The following PRMT8 variants were observed in gnomAD, a reference collection of about 807,000 sequenced individuals.
PRMT8 encodes protein arginine methyltransferase 8, also known as protein arginine N-methyltransferase 8.
Under a neutral mutation model 47.1 loss-of-function variants are expected in PRMT8, and 7 were observed. The observed-to-expected ratio is 0.15, with a 90% CI of 0.08 to 0.28. The LOEUF is 0.28. Ranked by LOEUF, PRMT8 falls within the 10% of genes least tolerant of loss-of-function variation. The pLI is 1.00. For missense variants in PRMT8, 237 were observed against 505.4 expected (o/e 0.47, Z 5.09); for synonymous variants, 188 against 186.5 (o/e 1.01, Z -0.07).
chr12:3,507,400 C>A (rs370764272), intron 1 of PRMT8, among the ~76,000 whole-genome samples: 1 of 152,166 alleles, frequency 6.6e-6, no homozygotes, highest in South Asian at 2.1e-4. Flanking sequence ...GGATTACAGG[C>A]GTGAACCACC....
At chr12:3,528,653 A>AT (rs137952745) in intron 1 of PRMT8, among the ~76,000 whole-genome samples, 2 of 151,572 alleles carry the variant, frequency 1.3e-5, no homozygotes, top group African/African-American at 2.4e-5. Flanking sequence ...TGTATGATTG[A>AT]TTTTTTTTCT....
At chr12:3,483,438 T>C (rs1439642047) in intron 1 of PRMT8, among the ~76,000 whole-genome samples, 1 of 137,272 alleles carries the variant, frequency 7.3e-6, no homozygotes, top group Non-Finnish European at 1.5e-5. Flanking sequence ...AAAATGTCAC[T>C]TAACCATGAT....
At chr12:3,459,231 CTT>C (rs1269505951) in intron 1 of PRMT8, among the ~76,000 whole-genome samples, 1 of 152,216 alleles carries the variant, frequency 6.6e-6, no homozygotes, top group Non-Finnish European at 1.5e-5. Context: ...CAGCTCCAGA[CTT>C]GAGCTTGCCA....
chr12:3,444,634 C>T (rs541904362), intron 1 of PRMT8, among the ~76,000 whole-genome samples: 2 of 152,308 alleles, frequency 1.3e-5, no homozygotes, highest in African/African-American at 4.8e-5. Flanking sequence ...GCATCCAGGT[C>T]ATGCCAGTTA....
At position 3,553,060 on chromosome 12, in the gene PRMT8, C is replaced by A. The variant is rs573150308; in HGVS notation, c.418-591C>A. The A allele has an allele frequency of 2.6e-3, 547 of 214,002 alleles. 4 individuals carry two copies. The highest frequency in any genetic ancestry group is 0.012 in the African/African-American group (509 of 43,300). The allele number at this position is 214,002 out of a possible 1,614,324, so 13.3% of individuals were successfully genotyped here. ...TACCTTGGCCCTTTGCTTAGGAGGT[C>A]TGGAGAGCCTGGAAAGACGTCTGAA... On this transcript the variant is annotated intron_variant, in intron 3 of 9. Coordinates refer to ENST00000382622, the MANE Select transcript of PRMT8 (RefSeq NM_019854.5).
chr12:3,525,380 A>G (rs942768301), intron 1 of PRMT8, among the ~76,000 whole-genome samples: 2 of 152,184 alleles, frequency 1.3e-5, no homozygotes, highest in African/African-American at 4.8e-5. Context: ...CCTTGTGGGT[A>G]TGCAGAGGAT....
chr12:3,456,041 G>T lies in PRMT8; in HGVS notation c.48+74599G>T, dbSNP rs1051803429. ...CCTGCGTTCTCATCTGTAAAATGAG[G>T]ATAGTAAGTCACACCTCACAGGGAA... On this transcript the variant is annotated intron_variant, in intron 1 of 9. Coordinates refer to the PRMT8 transcript ENST00000452611. The surrounding 1 kb of genome is among the most constrained non-coding windows in gnomAD (Gnocchi z 4.2). 7.2e-5 allele frequency among the ~76,000 whole-genome samples: 11 copies of T among 152,316 alleles called. No homozygotes were observed. In the Middle Eastern group the frequency reaches 0.01, roughly 141 times the overall value.
intron 4 of PRMT8, among the ~76,000 whole-genome samples, chr12:3,567,801 T>C (rs541063079): frequency 1.3e-5 from 2 of 152,278 alleles, no homozygotes; most frequent in Admixed American, 6.5e-5. Context: ...TGGCTGGCTG[T>C]GGTGGCTCAT....
chr12:3,588,794 G>T (rs1018296503), intron 8 of PRMT8, among the ~76,000 whole-genome samples: 1 of 152,206 alleles, frequency 6.6e-6, no homozygotes, highest in Non-Finnish European at 1.5e-5. Flanking sequence ...AAAGGGGTAT[G>T]TGGGGCCAGA....
Position 3,540,615 on chromosome 12 carries a change from C to CCCCCCCAA in PRMT8, c.90_91insCAACCCCC (p.Ser31GlnfsTer38). On this transcript the variant is annotated frameshift_variant, in exon 2 of 10. Transcript: ENST00000382622. LOFTEE classifies it high-confidence loss of function. The stretch of plus-strand genomic sequence containing the variant: ...CTTCTCTTCCCCTCAGGTGAACAGC[C>CCCCCCCAA]CCCCCTCCCAGCCCCCCCAGCCCGT... 1 of 1,058,778 alleles carries CCCCCCCAA rather than the reference C, an allele frequency of 9.4e-7. No individual in the cohort carries two copies. The highest frequency in any genetic ancestry group is 1.5e-6 in the Non-Finnish European group (1 of 684,576). 65.6% of individuals were successfully genotyped at this position (1,058,778 alleles called of 1,614,324 possible). A position where few individuals can be genotyped will look rare whatever the true frequency, so the allele number is the denominator to read the frequency against.
At chr12:3,390,474 C>A (rs1437454327) in intron 1 of PRMT8, among the ~76,000 whole-genome samples, 2 of 152,176 alleles carry the variant, frequency 1.3e-5, no homozygotes, top group Non-Finnish European at 2.9e-5. Context: ...CTTTCCTTAA[C>A]AACTGTGACA....
At chr12:3,447,199 A>T (rs1318388736) in intron 1 of PRMT8, among the ~76,000 whole-genome samples, 2 of 152,188 alleles carry the variant, frequency 1.3e-5, no homozygotes, top group African/African-American at 4.8e-5. Flanking sequence ...TCAAGAGCAG[A>T]GTCTCATTTT....
At chr12:3,451,820 C>A (rs139882949) in intron 1 of PRMT8, among the ~76,000 whole-genome samples, 1 of 152,290 alleles carries the variant, frequency 6.6e-6, no homozygotes, top group Admixed American at 6.5e-5. Context: ...AGTGTCTTGA[C>A]GTTGCTAATT....
At position 3,451,428 on chromosome 12, in the gene PRMT8, C is replaced by T. The variant is rs578247813; in HGVS notation, c.48+69986C>T. Reference sequence around the variant, plus strand: ...TGCTGTTTGCAAGCACTCTGTAGAGCGTCTAACACACGTTCATGTGCAGAA... The same window carrying T: ...TGCTGTTTGCAAGCACTCTGTAGAGTGTCTAACACACGTTCATGTGCAGAA... On this transcript the variant is annotated intron_variant, in intron 1 of 9. Coordinates refer to the PRMT8 transcript ENST00000452611. Among the ~76,000 whole-genome samples, 29 of 152,284 alleles carry T rather than the reference C, an allele frequency of 1.9e-4. No homozygotes were observed. The South Asian group carries it at 5.2e-3, about 27-fold the overall frequency.
chr12:3,496,216 T>TATATATATATATATG (rs34970187), intron 1 of PRMT8, among the ~76,000 whole-genome samples: 3 of 20,012 alleles, frequency 1.5e-4, no homozygotes, highest in African/African-American at 5.0e-4. Flanking sequence ...ATATATATAT[T>TATATATATATATATG]TTTTTTTTTT....
chr12:3,491,277 C>T lies in PRMT8; in HGVS notation c.-349C>T, dbSNP rs981326252. On this transcript the variant is annotated 5_prime_UTR_variant, in exon 1 of 10. Coordinates refer to ENST00000382622, the MANE Select transcript of PRMT8 (RefSeq NM_019854.5). ...CGGCCGGCCGGACTTTGCGAGCAGC[C>T]TGGAGAGGATCCGCGACCGCCGCCG... 1.8e-6 allele frequency: 2 copies of T among 1,118,508 alleles called. No individual in the cohort carries two copies. Among genetic ancestry groups the T allele is most frequent in the Middle Eastern group, 3.9e-4 (1 of 2,532 alleles). 69.3% of individuals were successfully genotyped at this position (1,118,508 alleles called of 1,614,324 possible).
intron 1 of PRMT8, among the ~76,000 whole-genome samples, chr12:3,497,158 C>G (rs1865523232): frequency 6.6e-6 from 1 of 152,100 alleles, no homozygotes; most frequent in Non-Finnish European, 1.5e-5. Flanking sequence ...AATGGGCAGC[C>G]TGAAAATATG....
At chr12:3,442,348 A>C (rs1864812244) in intron 1 of PRMT8, among the ~76,000 whole-genome samples, 1 of 152,158 alleles carries the variant, frequency 6.6e-6, no homozygotes, top group Non-Finnish European at 1.5e-5. Context: ...TAAAAAAAAA[A>C]CAAAGGCATG....
chr12:3,524,460 C>T (rs2137145457), intron 1 of PRMT8, among the ~76,000 whole-genome samples: 1 of 152,036 alleles, frequency 6.6e-6, no homozygotes, highest in Admixed American at 6.5e-5. Flanking sequence ...CCCTTAGTTG[C>T]CCTCACCCGA....
Sources: gnomAD v4.1 joint callset for allele counts (sites outside exome capture counted in the v4.1 genomes callset) on GRCh38, gnomAD v4.1.1 for gene constraint, Gnocchi (gnomAD v3.1) non-coding constraint, MANE v1.5 for transcripts, NCBI Gene and HGNC (gene_info 2026-07-23, HGNC 2026-07-21) for gene names.